The following CYP3A4 variants were observed in gnomAD, a reference collection of about 807,000 sequenced individuals.
CYP3A4 encodes the protein cytochrome P450 family 3 subfamily A member 4.
CYP3A4 carries 41 observed loss-of-function variants against 54.9 expected under a neutral mutation model. The ratio of observed to expected loss-of-function variants is 0.75; its 90% CI spans 0.58 to 0.97. CYP3A4 has a LOEUF of 0.97. CYP3A4 is among the 50% of genes least tolerant of loss of function. CYP3A4 has a pLI of 0.00. For synonymous variants in CYP3A4, 179 were observed against 205.2 expected (o/e 0.87, Z 1.09); for missense variants, 510 against 597.3 (o/e 0.85, Z 1.52).
intron 1 of CYP3A4, among the ~76,000 whole-genome samples, chr7:99,780,827 T>A (rs1222680245): frequency 1.3e-5 from 2 of 152,176 alleles, no homozygotes; most frequent in African/African-American, 4.8e-5. Context: ...GATGATTGAC[T>A]CATATTTCCC....
chr7:99,777,646 T>TA (rs921350158), intron 3 of CYP3A4, among the ~76,000 whole-genome samples: 6 of 151,818 alleles, frequency 4.0e-5, no homozygotes, highest in African/African-American at 1.2e-4. Flanking sequence ...ATCCCAACAT[T>TA]AAAAAAAATA....
chr7:99,776,324 C>T (rs1285258093), intron 3 of CYP3A4, among the ~76,000 whole-genome samples: 1 of 152,148 alleles, frequency 6.6e-6, no homozygotes, highest in Admixed American at 6.5e-5. Flanking sequence ...TACCATTTGA[C>T]CCAGCAATCC....
chr7:99,776,552 T>C (rs1188522459), intron 3 of CYP3A4, among the ~76,000 whole-genome samples: 1 of 152,152 alleles, frequency 6.6e-6, no homozygotes, highest in South Asian at 2.1e-4. Context: ...GGGACAAGGA[T>C]GAAGCTGGAA....
intron 8 of CYP3A4, 177 bp from the exon 9 acceptor site, chr7:99,766,620 G>T: frequency 3.9e-6 from 3 of 766,284 alleles, no homozygotes; most frequent in Non-Finnish European, 6.1e-6. Flanking sequence ...TTGGAAAGCA[G>T]GATGTTTTCC....
At chr7:99,762,420 G>C (rs1044693070) in intron 10 of CYP3A4, among the ~76,000 whole-genome samples, 153 bp from the exon 11 acceptor site, 1 of 152,050 alleles carries the variant, frequency 6.6e-6, no homozygotes, top group Non-Finnish European at 1.5e-5. Context: ...TAACTGTCAT[G>C]CCCATTGCTG....
chr7:99,769,722 A>G, intron 6 of CYP3A4, 46 bp downstream of exon 6: 1 of 1,604,886 alleles, frequency 6.2e-7, no homozygotes. Flanking sequence ...AGGCAGCTGG[A>G]GGGGTTCATG....
chr7:99,763,974 TA>T lies in CYP3A4; in HGVS notation c.906del (p.Phe302LeufsTer59). The T allele has an allele frequency of 6.2e-7, 1 of 1,613,794 alleles. No individual in the cohort carries two copies. The highest frequency in any genetic ancestry group is 8.5e-7 in the Non-Finnish European group (1 of 1,179,906). On this transcript the variant is annotated frameshift_variant, in exon 10 of 13. Coordinates refer to ENST00000651514, the MANE Select transcript of CYP3A4 (RefSeq NM_017460.6). LOFTEE classifies it high-confidence loss of function. Reference protein sequence around the residue: ...DLELVAQSIIFIFAGYETTSS... With the variant: ...DLELVAQSIIXIFAGYETTSS... The stretch of plus-strand genomic sequence containing the variant: ...CTCGTGGTTTCATAGCCAGCAAAAA[TA>T]AAGATAATTGATTGGGCCACGAGCT...
rs781504891 is a variant in CYP3A4, at chr7:99,772,574, A to C, written c.318+16T>G. 1.6e-5 allele frequency: 25 copies of C among 1,611,368 alleles called. No individual in the cohort carries two copies. The highest frequency in any genetic ancestry group is 2.1e-5 in the Non-Finnish European group (25 of 1,179,144). ...TTAATCAATCAGTATTTTAATTTCAACACATGAATGCTTACCCTCCGGTTT... is the reference window on the plus strand; with the variant it reads ...TTAATCAATCAGTATTTTAATTTCACCACATGAATGCTTACCCTCCGGTTT... On this transcript the variant is annotated intron_variant, in intron 4 of 12. Transcript: ENST00000651514.
Position 99,757,990 on chromosome 7 carries a change from T to G in CYP3A4, c.*143A>C. 5 of 678,330 alleles carry G rather than the reference T, an allele frequency of 7.4e-6. No individual in the cohort carries two copies. Among genetic ancestry groups the G allele is most frequent in the Non-Finnish European group, 1.3e-5 (5 of 385,652 alleles). The allele number at this position is 678,330 out of a possible 1,614,324, so 42.0% of individuals were successfully genotyped here. ...ACAGACAATGAGAGAGCTCAATGCATGTACAGAATCCCCGGTTATTTATGC... is the reference window on the plus strand; with the variant it reads ...ACAGACAATGAGAGAGCTCAATGCAGGTACAGAATCCCCGGTTATTTATGC... On this transcript the variant is annotated 3_prime_UTR_variant, in exon 13 of 13. Coordinates refer to ENST00000651514, the MANE Select transcript of CYP3A4 (RefSeq NM_017460.6).
rs1194105314 is a variant in CYP3A4 at position 99,762,285 on chromosome 7, G to C, written c.1027-18C>G. The stretch of plus-strand genomic sequence containing the variant: ...GGTGGTGCCTGGAAAGAACGAAACA[G>C]ATTTGGATAAATTGAGATTTTGAAT... On this transcript the variant is annotated intron_variant, in intron 10 of 12. Transcript: ENST00000651514. 5 of 1,613,126 alleles carry C rather than the reference G, an allele frequency of 3.1e-6. No individual in the cohort carries two copies. The highest frequency in any genetic ancestry group is 4.2e-6 in the Non-Finnish European group (5 of 1,179,454).
At position 99,759,248 on chromosome 7, in the gene CYP3A4, A is replaced by T. The variant is rs550191166; in HGVS notation, c.1417-1020T>A. 7.8e-4 allele frequency among the ~76,000 whole-genome samples: 119 copies of T among 152,370 alleles called. 1 individual carries two copies. The highest frequency in any genetic ancestry group is 1.5e-3 in the Non-Finnish European group (99 of 68,036). On this transcript the variant is annotated intron_variant, in intron 12 of 12. Transcript: ENST00000651514. ...GGTGGAATTGAATAATAAATACATGAGACCTAGAAATAAGATTTATAGGGT... is the reference window on the plus strand; with the variant it reads ...GGTGGAATTGAATAATAAATACATGTGACCTAGAAATAAGATTTATAGGGT...
chr7:99,769,723 G>C, intron 6 of CYP3A4, 45 bp downstream of exon 6: 1 of 1,610,506 alleles, frequency 6.2e-7, no homozygotes, highest in South Asian at 1.1e-5. Flanking sequence ...GGCAGCTGGA[G>C]GGGTTCATGA....
intron 3 of CYP3A4, among the ~76,000 whole-genome samples, chr7:99,772,968 T>G (rs545670630): frequency 6.6e-6 from 1 of 152,204 alleles, no homozygotes. Context: ...GAAATGACAG[T>G]AGAGCATTTG....
Position 99,758,173 on chromosome 7 carries a change from A to G in CYP3A4, c.1472T>C (p.Leu491Pro), listed in dbSNP as rs908168299. ...GGTGCCATCCCTTGACTCAACCTTTAGAACAACGGGTTTTTCTGGTTGAAG... is the reference window on the plus strand; with the variant it reads ...GGTGCCATCCCTTGACTCAACCTTTGGAACAACGGGTTTTTCTGGTTGAAG... ...GLLQPEKPVV[L>P]KVESRDGTVS... The change falls in exon 13 of 13, where the codon CTA becomes CCA. Residue 491 changes from leucine to proline, a missense_variant. Physicochemically the swap from Leu to Pro is moderately conservative, Grantham distance 98. Transcript: ENST00000651514. 6.2e-7 allele frequency: 1 copy of G among 1,613,932 alleles called. No individual in the cohort carries two copies. The highest frequency in any genetic ancestry group is 8.5e-7 in the Non-Finnish European group (1 of 1,179,936).
rs768470122 is a variant in CYP3A4, at chr7:99,762,034, C to T, written c.1253+7G>A. ...CAGGGAGGGCTCCCTTCCCAGGGGC[C>T]TTGTACCTTTCAGGGAGGAACTTCT... On this transcript the variant is annotated splice_region_variant and intron_variant, in intron 11 of 12. Coordinates refer to ENST00000651514, the MANE Select transcript of CYP3A4 (RefSeq NM_017460.6). The T allele has an allele frequency of 1.9e-6, 3 of 1,613,826 alleles. No individual in the cohort carries two copies. The highest frequency in any genetic ancestry group is 2.2e-5 in the South Asian group (2 of 91,070).
At chr7:99,772,531 G>C (rs1369659649) in intron 4 of CYP3A4, 59 bp downstream of exon 4, 2 of 1,599,192 alleles carry the variant, frequency 1.3e-6, no homozygotes, top group African/African-American at 1.4e-5. Context: ...GAATATATAA[G>C]AATTTCAAAA....
At chr7:99,768,308 T>C (rs1204383552) in intron 7 of CYP3A4, 46 bp downstream of exon 7, 2 of 1,581,844 alleles carry the variant, frequency 1.3e-6, no homozygotes, top group Non-Finnish European at 1.7e-6. Flanking sequence ...AAAGCAGTTA[T>C]TTTTAAGAGA....
At chr7:99,761,822 C>T (rs1249812001) in intron 11 of CYP3A4, among the ~76,000 whole-genome samples, 1 of 152,002 alleles carries the variant, frequency 6.6e-6, no homozygotes, top group Non-Finnish European at 1.5e-5. Flanking sequence ...TGACCTTCAT[C>T]GTAAGTTGTT....
chr7:99,783,981 C>T (rs1384678091), intron 1 of CYP3A4, 30 bp downstream of exon 1: 2 of 1,608,714 alleles, frequency 1.2e-6, no homozygotes, highest in Non-Finnish European at 1.7e-6. Context: ...TCCAAGGAAA[C>T]AGAGAAGAGG....
Sources: allele counts gnomAD v4.1 joint callset (sites outside exome capture counted in the v4.1 genomes callset), GRCh38; gene constraint gnomAD v4.1.1; transcripts MANE v1.5; gene names NCBI Gene and HGNC (gene_info 2026-07-23, HGNC 2026-07-21).